ALOX12B: variants seen among roughly 807,000 people sequenced by gnomAD.
ALOX12B encodes arachidonate 12-lipoxygenase, 12R type.
In ALOX12B, 47 loss-of-function variants were observed where a neutral mutation model predicts 78.9. The ratio of observed to expected loss-of-function variants is 0.60; its 90% CI spans 0.47 to 0.76. ALOX12B has a LOEUF of 0.76. ALOX12B is among the 30% of genes least tolerant of loss of function. ALOX12B has a pLI of 0.00. For missense variants in ALOX12B, 805 were observed against 922.6 expected (o/e 0.87, Z 1.65); for synonymous variants, 370 against 374.5 (o/e 0.99, Z 0.14).
At position 8,086,209 on chromosome 17, in the gene ALOX12B, G is replaced by A. The variant is rs995839985; in HGVS notation, c.159C>T (p.Tyr53=). The A allele has an allele frequency of 1.2e-6, 2 of 1,613,938 alleles. No homozygotes were observed. The highest frequency in any genetic ancestry group is 3.3e-5 in the Admixed American group (2 of 60,002). The change falls in exon 2 of 15, where the codon TAC becomes TAT. Residue 53 remains tyrosine (Y), a synonymous_variant. Coordinates refer to ENST00000647874, the MANE Select transcript of ALOX12B (RefSeq NM_001139.3). ...CCAGGTCCTGAGGGCACTGCACGGT[G>A]TACTGGCCCACCTAGGCAGGATGCA... ...RDFATGAVGQ[Y]TVQCPQDLGE...
At chr17:8,084,523 C>T (rs1056822006) in intron 2 of ALOX12B, among the ~76,000 whole-genome samples, 1 of 152,210 alleles carries the variant, frequency 6.6e-6, no homozygotes, top group Non-Finnish European at 1.5e-5. Context: ...TGGCCACCAG[C>T]ATCACCCTGC....
intron 8 of ALOX12B, among the ~76,000 whole-genome samples, chr17:8,078,098 G>A (rs2079207372): frequency 6.6e-6 from 1 of 151,328 alleles, no homozygotes; most frequent in Non-Finnish European, 1.5e-5. Flanking sequence ...AATCCAGAAA[G>A]GATCTATTTT....
Position 8,080,185 on chromosome 17 carries a change from C to G in ALOX12B, c.754+50G>C, listed in dbSNP as rs375044197. The G allele has an allele frequency of 1.9e-5, 30 of 1,595,500 alleles. No homozygotes were observed. The highest frequency in any genetic ancestry group is 2.5e-5 in the Non-Finnish European group (29 of 1,163,336). On this transcript the variant is annotated intron_variant, in intron 6 of 14. Transcript: ENST00000647874. The surrounding 1 kb of genome is among the most constrained non-coding windows in gnomAD (Gnocchi z 4.8). ...GAAGTCGGGGGCCTGCCTAGCACGC[C>G]GGAGACCGCCTGGCTCCCCCTGCTC...
chr17:8,080,509 A>C lies in ALOX12B; in HGVS notation c.650+149T>G. On this transcript the variant is annotated intron_variant, in intron 5 of 14. Coordinates refer to ENST00000647874, the MANE Select transcript of ALOX12B (RefSeq NM_001139.3). This position sits in a 1 kb window ranked among gnomAD's most constrained non-coding sequence, Gnocchi z 4.8. ...TTTGCATCTCTAGGTCTCTGGGATC[A>C]TGTCTCAGGTTTTCTGGGTCTGCGT... 7.1e-7 allele frequency: 1 copy of C among 1,416,240 alleles called. No individual in the cohort carries two copies. Among genetic ancestry groups the C allele is most frequent in the Admixed American group, 1.9e-5 (1 of 52,288 alleles). 87.7% of individuals were successfully genotyped at this position (1,416,240 alleles called of 1,614,324 possible).
In ALOX12B at chr17:8,086,097, C is replaced by G. The variant is rs1191633540; in HGVS notation, c.271G>C (p.Ala91Pro). The stretch of plus-strand genomic sequence containing the variant: ...AAGTGGTAGATACGGCCGTTGGGGG[C>G]ACAGATCTGCACATAGTTGCAGTAC... ...PWYCNYVQICAPNGRIYHFPA... is the reference protein window; with the variant it reads ...PWYCNYVQICPPNGRIYHFPA... The change falls in exon 2 of 15, where the codon GCC (alanine) becomes CCC (proline). Residue 91 changes from alanine to proline, a missense_variant. Physicochemically the swap from Ala to Pro is conservative, Grantham distance 27. Transcript: ENST00000647874. 1 of 1,614,156 alleles carries G rather than the reference C, an allele frequency of 6.2e-7. No individual in the cohort carries two copies. The highest frequency in any genetic ancestry group is 1.1e-5 in the South Asian group (1 of 91,088).
rs1282758139 is a variant in ALOX12B, at chr17:8,073,221, G to A, written c.1853C>T (p.Thr618Met). Residue 618 changes from threonine (T) to methionine (M), a missense_variant, in exon 14 of 15, where the codon ACG (threonine) becomes ATG (methionine). Physicochemically the swap from Thr to Met is moderately conservative, Grantham distance 81 (BLOSUM62 -1). Coordinates refer to ENST00000647874, the MANE Select transcript of ALOX12B (RefSeq NM_001139.3). ...GCACGTGGTCTTCACATCCGGCAAC[G>A]TGTCCATGAAGGTCTCCAGAGTGGT... The part of the protein sequence containing the change: ...GLTTLETFMD[T>M]LPDVKTTCIT... The A allele has an allele frequency of 1.9e-6, 3 of 1,614,194 alleles. No homozygotes were observed. The highest frequency in any genetic ancestry group is 1.1e-5 in the South Asian group (1 of 91,084).
chr17:8,077,299 T>C lies in ALOX12B; in HGVS notation c.1072-106A>G, dbSNP rs1977108914. Reference sequence around the variant, plus strand: ...AGGGAGTATGAGAAGGTGAAAACACTCCTAAGCTCCGGTCCCACTGGTCCC... The same window carrying C: ...AGGGAGTATGAGAAGGTGAAAACACCCCTAAGCTCCGGTCCCACTGGTCCC... On this transcript the variant is annotated intron_variant, in intron 8 of 14. Transcript: ENST00000647874. 4 of 1,162,734 alleles carry C rather than the reference T, an allele frequency of 3.4e-6. No individual in the cohort carries two copies. In the African/African-American group the frequency reaches 4.6e-5, roughly 13 times the overall value. 72.0% of individuals were successfully genotyped at this position (1,162,734 alleles called of 1,614,324 possible).
At position 8,079,079 on chromosome 17, in the gene ALOX12B, A is replaced by T; in HGVS notation, c.1071+317T>A. On this transcript the variant is annotated intron_variant, in intron 8 of 14. Coordinates refer to ENST00000647874, the MANE Select transcript of ALOX12B (RefSeq NM_001139.3). This position sits in a 1 kb window ranked among gnomAD's most constrained non-coding sequence, Gnocchi z 6.4. Reference sequence around the variant, plus strand: ...CGCCCGGCTAAATTTTTGTATTTTTAGTAGAGACGGGGTTTCACCGTGTTA... The same window carrying T: ...CGCCCGGCTAAATTTTTGTATTTTTTGTAGAGACGGGGTTTCACCGTGTTA... Among the ~76,000 whole-genome samples the T allele has an allele frequency of 6.6e-6, 1 of 151,820 alleles. No homozygotes were observed. Among genetic ancestry groups the T allele is most frequent in the Non-Finnish European group, 1.5e-5 (1 of 67,950 alleles).
At chr17:8,077,703 T>G (rs1977117564) in intron 8 of ALOX12B, among the ~76,000 whole-genome samples, 4 of 152,214 alleles carry the variant, frequency 2.6e-5, no homozygotes, top group African/African-American at 9.7e-5. Flanking sequence ...AAACACCCAG[T>G]TCCTTCCTCT....
intron 2 of ALOX12B, among the ~76,000 whole-genome samples, chr17:8,084,626 C>T (rs1978291844): frequency 6.6e-6 from 1 of 152,342 alleles, no homozygotes; most frequent in Admixed American, 6.5e-5. Context: ...CTCACCATCT[C>T]CCAGGCTTTC....
At chr17:8,073,382 G>T (rs926742699) in intron 13 of ALOX12B, 64 bp from the exon 14 acceptor site, 1 of 1,602,510 alleles carries the variant, frequency 6.2e-7, no homozygotes, top group African/African-American at 1.3e-5. Context: ...CTTCCACCAG[G>T]TGCTGACCAC....
At chr17:8,076,865 T>C (rs945299818) in intron 9 of ALOX12B, 122 bp from the exon 10 acceptor site, 2 of 1,439,250 alleles carry the variant, frequency 1.4e-6, no homozygotes, top group South Asian at 1.2e-5. Flanking sequence ...AAGCCCTCTC[T>C]TGTGGTCCCC....
intron 13 of ALOX12B, 107 bp from the exon 14 acceptor site, chr17:8,073,425 C>T (rs1977022719): frequency 1.3e-6 from 2 of 1,504,434 alleles, no homozygotes; most frequent in Non-Finnish European, 1.8e-6. Context: ...GACTCCCCGC[C>T]CTTGGCGCTG....
chr17:8,076,940 C>T (rs757263135), intron 9 of ALOX12B, 50 bp downstream of exon 9: 14 of 1,584,296 alleles, frequency 8.8e-6, no homozygotes, highest in Non-Finnish European at 9.5e-6. Context: ...TTTCGGAGGC[C>T]AGGTGAGGGC....
chr17:8,086,348 G>A (rs911506868), intron 1 of ALOX12B, 128 bp from the exon 2 acceptor site: 2 of 947,714 alleles, frequency 2.1e-6, no homozygotes, highest in African/African-American at 3.3e-5. Context: ...ACTGACGGAG[G>A]GACAGGATAT....
In ALOX12B at chr17:8,073,702, G is replaced by A; in HGVS notation, c.1710C>T (p.Val570=). 1 of 1,613,702 alleles carries A rather than the reference G, an allele frequency of 6.2e-7. No homozygotes were observed. The highest frequency in any genetic ancestry group is 1.1e-5 in the South Asian group (1 of 91,040). The part of the protein sequence containing the change: ...VPELIRYVTI[V]IYTCSAKHAA... ...CGTGCTTGGCAGAGCAGGTGTAGAT[G>A]ACTATAGTGACATATCGGATCAGCT... Residue 570 remains valine (V), a synonymous_variant, in exon 13 of 15, where the codon GTC becomes GTT. Coordinates refer to ENST00000647874, the MANE Select transcript of ALOX12B (RefSeq NM_001139.3).
Position 8,083,357 on chromosome 17 carries a change from A to G in ALOX12B, c.353-2170T>C, listed in dbSNP as rs148009586. On this transcript the variant is annotated intron_variant, in intron 2 of 14. Coordinates refer to ENST00000647874, the MANE Select transcript of ALOX12B (RefSeq NM_001139.3). ...CATTTTACAAGGAGAAACAGTCGCT[A>G]TTATGTATTACGTGGGGACAAGGCT... Among the ~76,000 whole-genome samples, 978 of 152,344 alleles carry G rather than the reference A, an allele frequency of 6.4e-3. 8 individuals are homozygous for G. The highest frequency in any genetic ancestry group is 0.022 in the African/African-American group (931 of 41,574).
At chr17:8,076,912 C>A in intron 9 of ALOX12B, 78 bp downstream of exon 9, 3 of 1,508,212 alleles carry the variant, frequency 2.0e-6, no homozygotes, top group Non-Finnish European at 9.0e-7. Context: ...TCTCTGACTG[C>A]TCAGTGGGCC....
At position 8,087,483 on chromosome 17, in the gene ALOX12B, C is replaced by A. The variant is rs1978306246; in HGVS notation, c.-41G>T. 11 of 1,613,464 alleles carry A rather than the reference C, an allele frequency of 6.8e-6. No individual in the cohort carries two copies. Among genetic ancestry groups the A allele is most frequent in the Non-Finnish European group, 9.3e-6 (11 of 1,180,008 alleles). On this transcript the variant is annotated 5_prime_UTR_variant, in exon 1 of 15. Coordinates refer to ENST00000647874, the MANE Select transcript of ALOX12B (RefSeq NM_001139.3). ...GGCAAGAGGGGCACTCAGTCCCAGA[C>A]ACCGTGGAGGGGCCACACGAAGGCC...
Sources: gnomAD v4.1 joint callset for allele counts (sites outside exome capture counted in the v4.1 genomes callset) on GRCh38, gnomAD v4.1.1 for gene constraint, Gnocchi (gnomAD v3.1) non-coding constraint, MANE v1.5 for transcripts, NCBI Gene and HGNC (gene_info 2026-07-23, HGNC 2026-07-21) for gene names.